The following STAG2 variants were observed in gnomAD, a reference collection of about 807,000 sequenced individuals.
The protein encoded by STAG2 is cohesin subunit SA-2.
A neutral mutation model predicts 108.1 loss-of-function variants in STAG2; 14 were observed. The observed-to-expected ratio is 0.13, with a 90% confidence interval of 0.09 to 0.20. STAG2 has a LOEUF of 0.20. STAG2 is among the 10% of genes least tolerant of loss of function. STAG2 has a pLI of 1.00. For missense variants in STAG2, 440 were observed against 940.9 expected (o/e 0.47, Z 6.96); for synonymous variants, 307 against 302.7 (o/e 1.01, Z -0.15).
intron 7 of STAG2, among the ~76,000 whole-genome samples, 177 bp downstream of exon 7, chrX:124,042,822 A>C (rs2057759143): frequency 9.1e-6 from 1 of 109,673 alleles, no homozygotes; most frequent in South Asian, 4.0e-4. Context: ...GACCAGCTTG[A>C]CCAATATGGT....
intron 29 of STAG2, 48 bp downstream of exon 29, chrX:124,083,597 T>C: frequency 9.7e-7 from 1 of 1,029,630 alleles, no homozygotes. Flanking sequence ...TTGGGATTCT[T>C]AAGGGCAATT....
intron 1 of STAG2, among the ~76,000 whole-genome samples, chrX:123,976,669 A>G (rs767936263): frequency 3.3e-4 from 37 of 112,178 alleles, no homozygotes; most frequent in South Asian, 7.3e-4. Context: ...CACTTACAGC[A>G]TCTTCTTACT....
intron 23 of STAG2, among the ~76,000 whole-genome samples, chrX:124,067,418 A>C (rs2058564119): frequency 9.2e-6 from 1 of 109,192 alleles, no homozygotes; most frequent in African/African-American, 3.3e-5. Context: ...GCAGTCATGC[A>C]TCTCCACGCC....
At chrX:123,984,241 G>GTGC (rs1486298709) in intron 1 of STAG2, among the ~76,000 whole-genome samples, 4 of 110,266 alleles carry the variant, frequency 3.6e-5, no homozygotes, top group African/African-American at 1.3e-4. Flanking sequence ...GCCTCCCAAA[G>GTGC]TGCTGGGATT....
chrX:123,978,132 C>T (rs973533528), intron 1 of STAG2, among the ~76,000 whole-genome samples: 3 of 106,445 alleles, frequency 2.8e-5, no homozygotes, highest in African/African-American at 6.8e-5. Flanking sequence ...CGTGAACCAC[C>T]GTGCCTGGCC....
At chrX:124,054,117 T>G (rs981833307) in intron 13 of STAG2, among the ~76,000 whole-genome samples, 2 of 112,303 alleles carry the variant, frequency 1.8e-5, no homozygotes, top group Non-Finnish European at 3.8e-5. Context: ...CTAAGCTCCT[T>G]GGAGAAAAAC....
At chrX:124,042,138 C>G (rs1303689724) in intron 6 of STAG2, among the ~76,000 whole-genome samples, 1 of 111,282 alleles carries the variant, frequency 9.0e-6, no homozygotes, top group Non-Finnish European at 1.9e-5. Context: ...AATAAAGAGA[C>G]TTGACTAAAG....
At chrX:124,085,644 G>A (rs191878537) in intron 29 of STAG2, among the ~76,000 whole-genome samples, 52 of 108,965 alleles carry the variant, frequency 4.8e-4, no homozygotes, top group African/African-American at 1.5e-3. Context: ...GCATGGCAGT[G>A]TGCACCTGTA....
At chrX:124,008,493 G>A (rs895532827) in intron 1 of STAG2, among the ~76,000 whole-genome samples, 3 of 110,749 alleles carry the variant, frequency 2.7e-5, no homozygotes, top group Non-Finnish European at 3.8e-5. Flanking sequence ...GATTACAGGC[G>A]TGAGCCACCG....
At chrX:124,009,671 G>T (rs188051344) in intron 1 of STAG2, among the ~76,000 whole-genome samples, 8 of 110,887 alleles carry the variant, frequency 7.2e-5, no homozygotes, top group Admixed American at 1.9e-4. Context: ...TTTAAGTTGT[G>T]TGCTCTTGTG....
chrX:124,025,775 G>A, intron 3 of STAG2, 65 bp from the exon 4 acceptor site: 1 of 815,158 alleles, frequency 1.2e-6, no homozygotes, highest in Middle Eastern at 3.1e-4. Flanking sequence ...AGAAAATATG[G>A]CAAAAATTAG....
intron 30 of STAG2, 86 bp downstream of exon 30, chrX:124,086,856 A>C (rs759146095): frequency 2.7e-5 from 20 of 748,863 alleles, no homozygotes; most frequent in Non-Finnish European, 3.7e-5. Context: ...TTTTTATTTG[A>C]GATGTGTTCA....
intron 23 of STAG2, among the ~76,000 whole-genome samples, chrX:124,067,283 C>CCTT (rs1397440839): frequency 5.2e-5 from 5 of 96,377 alleles, no homozygotes; most frequent in Admixed American, 1.2e-4. Flanking sequence ...ACCCCCACCA[C>CCTT]CTTCTGAGGC....
chrX:124,088,615 C>CTTT (rs35629422), intron 30 of STAG2, among the ~76,000 whole-genome samples: 13 of 82,256 alleles, frequency 1.6e-4, no homozygotes, highest in Non-Finnish European at 1.6e-4. Context: ...TATGTATAAT[C>CTTT]TTTTTTTTTT....
chrX:124,086,231 T>C (rs2059104156), intron 29 of STAG2, among the ~76,000 whole-genome samples: 1 of 111,545 alleles, frequency 9.0e-6, no homozygotes, highest in Non-Finnish European at 1.9e-5. Context: ...CATATAAGCC[T>C]TGAGATACTT....
At chrX:124,029,738 C>T (rs988028153) in intron 4 of STAG2, among the ~76,000 whole-genome samples, 3 of 112,277 alleles carry the variant, frequency 2.7e-5, no homozygotes, top group Non-Finnish European at 5.6e-5. Context: ...CTTTCTAGAT[C>T]GTAGAGATGT....
intron 1 of STAG2, among the ~76,000 whole-genome samples, chrX:123,977,343 A>G (rs1464567864): frequency 1.8e-5 from 2 of 112,229 alleles, no homozygotes; most frequent in Admixed American, 9.5e-5. Context: ...CAATAATTCT[A>G]ATAAGAATAA....
rs2055859887 is a variant in STAG2 at position 123,998,475 on chromosome X, G to A, written c.-162-22892G>A. On this transcript the variant is annotated intron_variant, in intron 1 of 34. Transcript: ENST00000371145. ...TGTGAGCCACCACGCCCTGCCGTGT[G>A]TGTGTATGTGTTTTTTTTTTTTTTA... is the stretch of plus-strand genomic sequence containing the variant. Among the ~76,000 whole-genome samples the A allele has an allele frequency of 2.9e-5, 3 of 103,626 alleles. No individual in the cohort carries two copies. The South Asian group carries it at 1.3e-3, about 44-fold the overall frequency. The allele number at this position is 103,626 out of a possible 115,157, so 90.0% of individuals were successfully genotyped here. A position where few individuals can be genotyped will look rare whatever the true frequency, so the allele number is the denominator to read the frequency against.
chrX:124,030,059 AG>A (rs1251168535), intron 4 of STAG2, among the ~76,000 whole-genome samples: 13 of 111,241 alleles, frequency 1.2e-4, no homozygotes, highest in Non-Finnish European at 2.3e-4. Context: ...TAAATGTTGG[AG>A]GGAGGCCTAG....
Sources: gnomAD v4.1 joint callset for allele counts (sites outside exome capture counted in the v4.1 genomes callset) on GRCh38, gnomAD v4.1.1 for gene constraint, MANE v1.5 for transcripts, NCBI Gene and HGNC (gene_info 2026-07-23, HGNC 2026-07-21) for gene names.